The following GABRA3 variants were observed in gnomAD, a reference collection of about 807,000 sequenced individuals.
The protein encoded by GABRA3 is gamma-aminobutyric acid receptor subunit alpha-3.
GABRA3 carries 10 observed loss-of-function variants against 30.1 expected under a neutral mutation model. The ratio of observed to expected loss-of-function variants is 0.33; its 90% CI spans 0.20 to 0.56. GABRA3 has a LOEUF of 0.56. Ranked by LOEUF, GABRA3 falls within the 20% of genes least tolerant of loss-of-function variation. The pLI is 0.89. For missense variants in GABRA3, 233 were observed against 392.0 expected, an observed-to-expected ratio of 0.59 and a Z score of 3.42; for synonymous variants, 151 against 146.8, an observed-to-expected ratio of 1.03 and a Z score of -0.21.
At chrX:152,275,585 CCT>C (rs1939067493) in intron 4 of GABRA3, among the ~76,000 whole-genome samples, 1 of 105,789 alleles carries the variant, frequency 9.5e-6, no homozygotes, top group East Asian at 2.9e-4. Context: ...ATGGTGAAAC[CCT>C]GTCTCTACTA....
chrX:152,236,249 GT>G (rs1300097934), intron 5 of GABRA3, among the ~76,000 whole-genome samples: 1 of 103,076 alleles, frequency 9.7e-6, no homozygotes, highest in East Asian at 3.0e-4. Context: ...GCGGTGTTTG[GT>G]TTTTTGTTCT....
intron 7 of GABRA3, among the ~76,000 whole-genome samples, chrX:152,198,781 T>G (rs1937423202): frequency 8.9e-6 from 1 of 112,258 alleles, no homozygotes; most frequent in East Asian, 2.8e-4. Context: ...TCATCCAGCC[T>G]GTGTCTTTAA....
intron 4 of GABRA3, among the ~76,000 whole-genome samples, chrX:152,264,685 TA>T (rs564421042): frequency 8.2e-5 from 9 of 110,045 alleles, no homozygotes; most frequent in African/African-American, 1.6e-4. Flanking sequence ...AATGCTATAA[TA>T]AAAAAAATAC....
chrX:152,294,797 A>G (rs775425884), intron 3 of GABRA3, among the ~76,000 whole-genome samples: 11 of 111,643 alleles, frequency 9.9e-5, no homozygotes, highest in African/African-American at 3.3e-4. Flanking sequence ...TGATGGTGAC[A>G]TACAGATGGG....
intron 1 of GABRA3, among the ~76,000 whole-genome samples, chrX:152,406,571 AATATAT>A (rs61577907): frequency 1.0e-5 from 1 of 95,585 alleles, no homozygotes; most frequent in African/African-American, 3.8e-5. Flanking sequence ...CTAACACTGG[AATATAT>A]ATATATATAT....
intron 2 of GABRA3, among the ~76,000 whole-genome samples, chrX:152,362,309 G>A (rs1431245376): frequency 1.1e-4 from 12 of 109,953 alleles, no homozygotes; most frequent in Admixed American, 3.9e-4. Flanking sequence ...GGGTAATATT[G>A]AAATATTGCA....
At chrX:152,359,146 T>A (rs1928406248) in intron 2 of GABRA3, among the ~76,000 whole-genome samples, 1 of 111,716 alleles carries the variant, frequency 9.0e-6, no homozygotes, top group Non-Finnish European at 1.9e-5. Context: ...CAGTTCTTCT[T>A]TATATATCTG....
At chrX:152,239,079 T>C (rs1415790290) in intron 5 of GABRA3, among the ~76,000 whole-genome samples, 1 of 104,776 alleles carries the variant, frequency 9.5e-6, no homozygotes, top group Non-Finnish European at 2.0e-5. Flanking sequence ...CTTTTAATTG[T>C]GATGTTAGGG....
rs147371457 is a variant in GABRA3 at position 152,425,562 on chromosome X, C to T, written c.-27+25584G>A. ...TGTCCCTCAATCTGAGTTTGCCTGA[C>T]GTTTTCTCATGATTAAACTAGGGTT... On this transcript the variant is annotated intron_variant, in intron 1 of 9. Coordinates refer to ENST00000370314, the MANE Select transcript of GABRA3 (RefSeq NM_000808.4). 4.4e-4 allele frequency among the ~76,000 whole-genome samples: 49 copies of T among 111,558 alleles called. 1 individual carries two copies. The East Asian group carries it at 0.011, about 25-fold the overall frequency.
intron 7 of GABRA3, among the ~76,000 whole-genome samples, chrX:152,199,875 A>G (rs1937457665): frequency 9.1e-6 from 1 of 110,281 alleles, no homozygotes; most frequent in Non-Finnish European, 1.9e-5. Flanking sequence ...AAAATCAATC[A>G]ATCAGCCAAC....
At chrX:152,362,606 T>A (rs766200172) in intron 2 of GABRA3, among the ~76,000 whole-genome samples, 1 of 111,630 alleles carries the variant, frequency 9.0e-6, no homozygotes, top group African/African-American at 3.2e-5. Context: ...TTAGTTTGGA[T>A]GGAAACAAGA....
In GABRA3 at chrX:152,360,698, AAAAAAAAAAAAATT is replaced by A. The variant is rs1474055782; in HGVS notation, c.140+3719_140+3732del. Among the ~76,000 whole-genome samples, 44 of 82,324 alleles carry A rather than the reference AAAAAAAAAAAAATT, an allele frequency of 5.3e-4. 1 individual carries two copies. The East Asian group carries it at 6.5e-3, about 12-fold the overall frequency. 71.5% of individuals were successfully genotyped at this position (82,324 alleles called of 115,157 possible). ...TGTACCCTAAAACTTAGAGTATAAT[AAAAAAAAAAAAATT>A]AAAAAAAAAAAATTAAAAAAAAAAA... On this transcript the variant is annotated intron_variant, in intron 2 of 9. Coordinates refer to ENST00000370314, the MANE Select transcript of GABRA3 (RefSeq NM_000808.4).
chrX:152,305,175 CACAT>C (rs1939702716), intron 3 of GABRA3, among the ~76,000 whole-genome samples: 1 of 111,081 alleles, frequency 9.0e-6, no homozygotes, highest in Non-Finnish European at 1.9e-5. Flanking sequence ...AACAGAAAAT[CACAT>C]ACCATATGTT....
intron 2 of GABRA3, among the ~76,000 whole-genome samples, chrX:152,356,291 G>A (rs977192908): frequency 3.0e-4 from 34 of 112,068 alleles, no homozygotes; most frequent in African/African-American, 1.1e-3. Context: ...GTTATACAAA[G>A]TACTGGTCGA....
chrX:152,223,472 T>C (rs749859742), intron 6 of GABRA3, among the ~76,000 whole-genome samples: 3 of 111,145 alleles, frequency 2.7e-5, no homozygotes, highest in Non-Finnish European at 3.8e-5. Flanking sequence ...AGAATATAAT[T>C]CAAAGACCTT....
intron 4 of GABRA3, among the ~76,000 whole-genome samples, chrX:152,275,716 G>A (rs1939071406): frequency 9.2e-6 from 1 of 108,429 alleles, no homozygotes; most frequent in Non-Finnish European, 1.9e-5. Context: ...TCGAGATCGT[G>A]CAACTGCACT....
chrX:152,444,754 T>TTTTTTTG (rs1931029325), intron 1 of GABRA3, among the ~76,000 whole-genome samples: 1 of 90,064 alleles, frequency 1.1e-5, no homozygotes, highest in Non-Finnish European at 2.3e-5. Flanking sequence ...TTTTGTTTTT[T>TTTTTTTG]TTTGTTTGTT....
chrX:152,322,844 CTTTTTTTTT>C (rs1172827692), intron 3 of GABRA3, among the ~76,000 whole-genome samples: 8 of 61,281 alleles, frequency 1.3e-4, no homozygotes, highest in African/African-American at 4.3e-4. Context: ...AAAGTCTACT[CTTTTTTTTT>C]TTTTTTTTTT....
chrX:152,431,426 C>A (rs773209453), intron 1 of GABRA3, among the ~76,000 whole-genome samples: 3 of 112,276 alleles, frequency 2.7e-5, no homozygotes, highest in Non-Finnish European at 5.6e-5. Flanking sequence ...ATAAGTAGTA[C>A]ATAAATGATA....
Sources: gnomAD v4.1 joint callset for allele counts (sites outside exome capture counted in the v4.1 genomes callset) on GRCh38, gnomAD v4.1.1 for gene constraint, MANE v1.5 for transcripts, NCBI Gene and HGNC (gene_info 2026-07-23, HGNC 2026-07-21) for gene names.